The following NSL1 variants were observed in gnomAD, a reference collection of about 807,000 sequenced individuals.
NSL1 encodes kinetochore-associated protein NSL1 homolog.
In NSL1, 11 loss-of-function variants were observed where a neutral mutation model predicts 25.4. That is an observed-to-expected ratio of 0.43 (90% CI 0.27 to 0.72). The LOEUF (loss-of-function observed/expected upper bound fraction) is 0.72, where lower values mean the gene tolerates loss of function less well. NSL1 is among the 30% of genes least tolerant of loss of function. NSL1 has a pLI of 0.19. For missense variants in NSL1, 330 were observed against 342.7 expected, an observed-to-expected ratio of 0.96 and a Z score of 0.29; for synonymous variants, 118 against 120.6, an observed-to-expected ratio of 0.98 and a Z score of 0.14.
chr1:212,776,209 C>G (rs1660359434), intron 4 of NSL1, among the ~76,000 whole-genome samples: 1 of 151,918 alleles, frequency 6.6e-6, no homozygotes, highest in South Asian at 2.1e-4. Context: ...ACTTAAAACA[C>G]AAAATTAGCT....
chr1:212,741,522 G>A (rs577529872), intron 4 of NSL1, among the ~76,000 whole-genome samples: 1 of 152,262 alleles, frequency 6.6e-6, no homozygotes, highest in Admixed American at 6.5e-5. Flanking sequence ...TTGAAAGTGT[G>A]TGGCACCTCA....
intron 4 of NSL1, among the ~76,000 whole-genome samples, chr1:212,752,199 T>C (rs1659095757): frequency 6.6e-6 from 1 of 152,240 alleles, no homozygotes; most frequent in Non-Finnish European, 1.5e-5. Flanking sequence ...TCAGCTACAT[T>C]ATAGATTAAG....
At chr1:212,766,526 T>C (rs1659829815) in intron 4 of NSL1, among the ~76,000 whole-genome samples, 1 of 150,942 alleles carries the variant, frequency 6.6e-6, no homozygotes, top group South Asian at 2.1e-4. Flanking sequence ...GCGCCTGTAG[T>C]CCCAGCTCCT....
At chr1:212,757,673 G>T (rs917986017) in intron 4 of NSL1, among the ~76,000 whole-genome samples, 1 of 152,076 alleles carries the variant, frequency 6.6e-6, no homozygotes, top group African/African-American at 2.4e-5. Flanking sequence ...GAATTCAGAG[G>T]GAGAGCTCAC....
rs1057185110 is a variant in NSL1, at chr1:212,736,727, A to C, written c.*1681T>G. ...AAAAACTTATAAAAATTTCCAACAC[A>C]AAGTAGAATATAGTCATTACACAGA... On this transcript the variant is annotated 3_prime_UTR_variant, in exon 6 of 6. Transcript: ENST00000366977. The C allele has an allele frequency of 1.7e-5, 17 of 984,532 alleles. No individual in the cohort carries two copies. In the Admixed American group the frequency reaches 1.0e-3, roughly 60 times the overall value. The allele number at this position is 984,532 out of a possible 1,614,324, so 61.0% of individuals were successfully genotyped here.
At chr1:212,767,724 G>GA (rs1181626354) in intron 4 of NSL1, among the ~76,000 whole-genome samples, 13 of 151,716 alleles carry the variant, frequency 8.6e-5, no homozygotes, top group African/African-American at 3.1e-4. Context: ...AAATCAGCAA[G>GA]AAAAAAACAA....
chr1:212,767,379 G>C (rs1659871057), intron 4 of NSL1, among the ~76,000 whole-genome samples: 6 of 152,040 alleles, frequency 3.9e-5, no homozygotes, highest in Admixed American at 3.9e-4. Flanking sequence ...GTAGAAGAAT[G>C]AAACTGGATC....
intron 4 of NSL1, chr1:212,766,252 T>A (rs1173067849): frequency 1.6e-6 from 1 of 644,772 alleles, no homozygotes; most frequent in Non-Finnish European, 2.8e-6. Flanking sequence ...TGGGGAAAAG[T>A]TGAAAGCATT....
intron 4 of NSL1, among the ~76,000 whole-genome samples, chr1:212,777,559 T>C (rs1660432179): frequency 6.6e-6 from 1 of 152,200 alleles, no homozygotes; most frequent in African/African-American, 2.4e-5. Flanking sequence ...ATATGATCAG[T>C]ATGATACAAT....
In NSL1 at chr1:212,739,578, A is replaced by G; in HGVS notation, c.523T>C (p.Cys175Arg). The G allele has an allele frequency of 6.2e-7, 1 of 1,613,524 alleles. No homozygotes were observed. Among genetic ancestry groups the G allele is most frequent in the Non-Finnish European group, 8.5e-7 (1 of 1,179,722 alleles). ...DPAPHMENLK[C>R]RGETVAKEIS... ...TCCTTTGCTACTGTTTCCCCTCTGC[A>G]TTTCAAATTTTCCATATGAGGGGCT... is the stretch of plus-strand genomic sequence containing the variant. The change falls in exon 5 of 6, where the codon TGC (cysteine) becomes CGC (arginine). Residue 175 changes from cysteine (C) to arginine (R), a missense_variant. Transcript: ENST00000366977.
intron 4 of NSL1, among the ~76,000 whole-genome samples, chr1:212,741,383 C>T (rs1016472010): frequency 6.6e-6 from 1 of 152,138 alleles, no homozygotes; most frequent in Non-Finnish European, 1.5e-5. Flanking sequence ...GTGTCCCCAC[C>T]CAATCTCATG....
intron 4 of NSL1, among the ~76,000 whole-genome samples, chr1:212,772,680 A>AAAAAG (rs1660179280): frequency 6.8e-6 from 1 of 147,752 alleles, no homozygotes; most frequent in South Asian, 2.2e-4. Flanking sequence ...TTGTCTCAAA[A>AAAAAG]AAAGAAAAAA....
Position 212,729,868 on chromosome 1 carries a change from G to C in NSL1, c.*8540C>G. ...GATGTGTGGACGAAGGGGTTGCTGGGGTGACCCAGGCAGCAAGGACCCTGA... is the reference window on the plus strand; with the variant it reads ...GATGTGTGGACGAAGGGGTTGCTGGCGTGACCCAGGCAGCAAGGACCCTGA... On this transcript the variant is annotated 3_prime_UTR_variant, in exon 6 of 6. Transcript: ENST00000366977. 1 of 985,318 alleles carries C rather than the reference G, an allele frequency of 1.0e-6. No individual in the cohort carries two copies. Among genetic ancestry groups the C allele is most frequent in the South Asian group, 4.7e-5 (1 of 21,284 alleles). The allele number at this position is 985,318 out of a possible 1,614,324, so 61.0% of individuals were successfully genotyped here. A position where few individuals can be genotyped will look rare whatever the true frequency, so the allele number is the denominator to read the frequency against.
At chr1:212,761,936 A>G (rs1194247804) in intron 4 of NSL1, among the ~76,000 whole-genome samples, 1 of 151,122 alleles carries the variant, frequency 6.6e-6, no homozygotes, top group Non-Finnish European at 1.5e-5. Context: ...TGGGCCACAC[A>G]TAAAATACAG....
intron 4 of NSL1, among the ~76,000 whole-genome samples, chr1:212,762,205 G>A (rs1446398131): frequency 1.3e-5 from 2 of 150,416 alleles, no homozygotes; most frequent in African/African-American, 2.5e-5. Context: ...GGCTGAGGCA[G>A]GAGAATCACT....
At chr1:212,743,449 C>G (rs1350712029) in intron 4 of NSL1, among the ~76,000 whole-genome samples, 2 of 151,142 alleles carry the variant, frequency 1.3e-5, no homozygotes, top group Non-Finnish European at 3.0e-5. Context: ...AGCCATGAAC[C>G]ACAGCGCCTG....
At chr1:212,791,442 G>A in intron 1 of NSL1, 88 bp downstream of exon 1, 12 of 1,244,504 alleles carry the variant, frequency 9.6e-6, no homozygotes, top group East Asian at 7.0e-5. Flanking sequence ...ATTCTGCCAA[G>A]GCCTGGCGTG....
At chr1:212,776,103 C>G (rs1028148677) in intron 4 of NSL1, among the ~76,000 whole-genome samples, 24 of 152,322 alleles carry the variant, frequency 1.6e-4, no homozygotes, top group African/African-American at 5.1e-4. Flanking sequence ...GCGTGAGCCA[C>G]TGCGCCCAGC....
intron 4 of NSL1, among the ~76,000 whole-genome samples, chr1:212,754,785 A>AAAAAAAAAAAAAAAAAAG: frequency 6.7e-6 from 1 of 149,614 alleles, no homozygotes; most frequent in Middle Eastern, 3.4e-3. Flanking sequence ...AAAAAAAAAA[A>AAAAAAAAAAAAAAAAAAG]CCAACTCAAA....
Sources: gnomAD v4.1 joint callset for allele counts (sites outside exome capture counted in the v4.1 genomes callset) on GRCh38, gnomAD v4.1.1 for gene constraint, MANE v1.5 for transcripts, NCBI Gene and HGNC (gene_info 2026-07-23, HGNC 2026-07-21) for gene names.